PEX5L: variants seen among roughly 807,000 people sequenced by gnomAD.
PEX5L encodes the protein PEX5-related protein.
A neutral mutation model predicts 84.0 loss-of-function variants in PEX5L; 30 were observed. The observed-to-expected ratio is 0.36, with a 90% CI of 0.27 to 0.48. The LOEUF is 0.48. Among genes scored for constraint, PEX5L ranks in the 20% least tolerant of loss-of-function variants. The probability of loss-of-function intolerance (pLI) is 0.99; values close to 1 mark genes in which losing one functional copy is unlikely to be tolerated. For missense variants in PEX5L, 533 were observed against 754.6 expected (o/e 0.71, Z 3.44); for synonymous variants, 270 against 283.1 (o/e 0.95, Z 0.46).
intron 2 of PEX5L, among the ~76,000 whole-genome samples, chr3:179,958,353 G>A (rs898534870): frequency 6.6e-6 from 1 of 152,166 alleles, no homozygotes; most frequent in Non-Finnish European, 1.5e-5. Flanking sequence ...ATAGCCTTCT[G>A]GGGTTGTGCA....
chr3:179,983,399 G>T (rs1182988751), intron 1 of PEX5L, among the ~76,000 whole-genome samples: 3 of 151,958 alleles, frequency 2.0e-5, no homozygotes, highest in Non-Finnish European at 4.4e-5. Flanking sequence ...TAGCACATAA[G>T]TATTGTCTGC....
At chr3:179,879,528 C>T (rs555173789) in intron 5 of PEX5L, among the ~76,000 whole-genome samples, 8 of 152,304 alleles carry the variant, frequency 5.3e-5, no homozygotes, top group Middle Eastern at 3.4e-3. Context: ...TTCCCAAACA[C>T]GTTTGTGACA....
chr3:179,965,949 A>G (rs1449330762), intron 2 of PEX5L, among the ~76,000 whole-genome samples: 2 of 152,132 alleles, frequency 1.3e-5, no homozygotes, highest in Non-Finnish European at 2.9e-5. Flanking sequence ...TCTGTGTACA[A>G]TATTTATTGA....
At chr3:179,811,992 T>G (rs1451180605) in intron 10 of PEX5L, 121 bp from the exon 11 acceptor site, 4 of 743,372 alleles carry the variant, frequency 5.4e-6, no homozygotes, top group African/African-American at 1.7e-5. Flanking sequence ...ATGTGAGCGC[T>G]ATATAAAAGG....
intron 1 of PEX5L, among the ~76,000 whole-genome samples, chr3:179,988,893 G>A (rs1340826451): frequency 2.0e-5 from 3 of 152,074 alleles, no homozygotes; most frequent in African/African-American, 4.8e-5. Flanking sequence ...AAATAAACTT[G>A]GATATATATT....
chr3:179,878,751 C>A (rs1369993029), intron 5 of PEX5L, among the ~76,000 whole-genome samples: 1 of 152,192 alleles, frequency 6.6e-6, no homozygotes, highest in Non-Finnish European at 1.5e-5. Flanking sequence ...CTGGCTGGAG[C>A]AATGGCATGA....
At chr3:180,010,118 T>A (rs946829002) in intron 1 of PEX5L, among the ~76,000 whole-genome samples, 1 of 152,018 alleles carries the variant, frequency 6.6e-6, no homozygotes, top group Non-Finnish European at 1.5e-5. Flanking sequence ...TACTTTTTTT[T>A]GTATTTTTAG....
intron 1 of PEX5L, among the ~76,000 whole-genome samples, chr3:180,030,637 A>C (rs2108360968): frequency 6.6e-6 from 1 of 152,270 alleles, no homozygotes; most frequent in South Asian, 2.1e-4. Flanking sequence ...GATTTTTAAG[A>C]GGGTGTGTGG....
At chr3:179,907,212 TA>T (rs201144223) in intron 2 of PEX5L, among the ~76,000 whole-genome samples, 44 of 148,084 alleles carry the variant, frequency 3.0e-4, no homozygotes, top group Middle Eastern at 3.5e-3. Context: ...TATACCAAAT[TA>T]AAAAAAAAAG....
chr3:180,022,614 GGTAA>G (rs1790519222), intron 1 of PEX5L, among the ~76,000 whole-genome samples: 1 of 152,104 alleles, frequency 6.6e-6, no homozygotes, highest in African/African-American at 2.4e-5. Context: ...AAAATATTTA[GGTAA>G]GTAATAGAAT....
chr3:179,889,968 A>G (rs1477868852), intron 3 of PEX5L, among the ~76,000 whole-genome samples: 1 of 152,188 alleles, frequency 6.6e-6, no homozygotes, highest in African/African-American at 2.4e-5. Context: ...TGAAATAGCT[A>G]AACATCAGTG....
chr3:179,978,746 T>C (rs182775578), intron 1 of PEX5L, among the ~76,000 whole-genome samples: 20 of 152,308 alleles, frequency 1.3e-4, no homozygotes, highest in Admixed American at 1.3e-3. Flanking sequence ...GGAAAGCAAA[T>C]CAGTGAACTA....
At chr3:179,823,589 GA>G (rs1330821225) in intron 8 of PEX5L, among the ~76,000 whole-genome samples, 1 of 152,118 alleles carries the variant, frequency 6.6e-6, no homozygotes, top group African/African-American at 2.4e-5. Context: ...GGAAAAGTAA[GA>G]TTCGGTTTAA....
rs907702432 is a variant in PEX5L, at chr3:179,799,244, T to A, written c.*2584A>T. 2.6e-5 allele frequency: 4 copies of A among 152,186 alleles called. No individual in the cohort carries two copies. The highest frequency in any genetic ancestry group is 5.9e-5 in the Non-Finnish European group (4 of 68,026). The allele number at this position is 152,186 out of a possible 1,614,324, so 9.4% of individuals were successfully genotyped here. A position where few individuals can be genotyped will look rare whatever the true frequency, so the allele number is the denominator to read the frequency against. ...GTCACTCATGTTTTAATAATGGTTT[T>A]AACTTAATTTTATAAAAAATATTAT... On this transcript the variant is annotated 3_prime_UTR_variant, in exon 15 of 15. Coordinates refer to ENST00000467460, the MANE Select transcript of PEX5L (RefSeq NM_016559.3).
chr3:179,925,218 A>AT (rs761992079), intron 2 of PEX5L, among the ~76,000 whole-genome samples: 3 of 152,260 alleles, frequency 2.0e-5, no homozygotes, highest in Non-Finnish European at 2.9e-5. Context: ...TCTTAATTTA[A>AT]TTTTTTGAAT....
Position 179,799,892 on chromosome 3 carries a change from A to T in PEX5L, c.*1936T>A, listed in dbSNP as rs1718355410. On this transcript the variant is annotated 3_prime_UTR_variant, in exon 15 of 15. Transcript: ENST00000467460. ...AGACTGTAGAGAAGCACGGTCTGAG[A>T]CTGGGTGGTCGCTGCTACCCATGAT... 1 of 152,152 alleles carries T rather than the reference A, an allele frequency of 6.6e-6. No individual in the cohort carries two copies. The highest frequency in any genetic ancestry group is 2.4e-5 in the African/African-American group (1 of 41,416). The allele number at this position is 152,152 out of a possible 1,614,324, so 9.4% of individuals were successfully genotyped here.
intron 2 of PEX5L, among the ~76,000 whole-genome samples, chr3:179,914,786 G>T (rs1766436976): frequency 6.6e-6 from 1 of 152,172 alleles, no homozygotes; most frequent in Non-Finnish European, 1.5e-5. Flanking sequence ...CAAAACTTTT[G>T]ATCTCTGTAG....
rs78838351 is a variant in PEX5L at position 179,876,650 on chromosome 3, G to T, written c.506-1173C>A. Among the ~76,000 whole-genome samples, 1,028 of 152,182 alleles carry T rather than the reference G, an allele frequency of 6.8e-3. 31 individuals are homozygous for T. Among genetic ancestry groups the T allele is most frequent in the Admixed American group, 0.055 (834 of 15,274 alleles). ...AGCATTAGTACAGTCGCACTGCTGT[G>T]TGACCATCACCACTATTCATCTCCA... On this transcript the variant is annotated intron_variant, in intron 5 of 14. Transcript: ENST00000467460.
intron 2 of PEX5L, among the ~76,000 whole-genome samples, chr3:179,959,978 A>C (rs1560929716): frequency 6.6e-6 from 1 of 152,122 alleles, no homozygotes; most frequent in South Asian, 2.1e-4. Flanking sequence ...CAAGTAATAG[A>C]GTCTCAGATT....
Sources: gnomAD v4.1 joint callset for allele counts (sites outside exome capture counted in the v4.1 genomes callset) on GRCh38, gnomAD v4.1.1 for gene constraint, MANE v1.5 for transcripts, NCBI Gene and HGNC (gene_info 2026-07-23, HGNC 2026-07-21) for gene names.